DAB1: variants seen among roughly 807,000 people sequenced by gnomAD.
The protein encoded by DAB1 is disabled homolog 1.
Under a neutral mutation model 64.6 loss-of-function variants are expected in DAB1, and 15 were observed. That is an observed-to-expected ratio of 0.23 (90% CI 0.16 to 0.36). The LOEUF (loss-of-function observed/expected upper bound fraction) is 0.36, where lower values mean the gene tolerates loss of function less well. Ranked by LOEUF, DAB1 falls within the 10% of genes least tolerant of loss-of-function variation. The probability of loss-of-function intolerance (pLI) is 1.00; values close to 1 mark genes in which losing one functional copy is unlikely to be tolerated. For synonymous variants in DAB1, 235 were observed against 251.9 expected (o/e 0.93, Z 0.64); for missense variants, 596 against 706.7 (o/e 0.84, Z 1.78).
intron 3 of DAB1, among the ~76,000 whole-genome samples, chr1:58,377,673 T>G (rs1644342349): frequency 7.1e-6 from 1 of 140,178 alleles, no homozygotes; most frequent in Non-Finnish European, 1.6e-5. Flanking sequence ...GTTGCTCTTC[T>G]CGAAGAGTAT....
At chr1:57,180,098 G>T (rs111521372) in intron 2 of DAB1, among the ~76,000 whole-genome samples, 1 of 152,152 alleles carries the variant, frequency 6.6e-6, no homozygotes, top group Admixed American at 6.5e-5. Flanking sequence ...CTTCACTCCT[G>T]CTTTTCTACA....
intron 4 of DAB1, among the ~76,000 whole-genome samples, chr1:58,165,400 CTCCCCGATTCTCTGTACA>C (rs982883653): frequency 1.3e-5 from 2 of 152,110 alleles, no homozygotes; most frequent in African/African-American, 4.8e-5. Flanking sequence ...TCCTGCAAAC[CTCCCCGATTCTCTGTACA>C]TCCTTTTATC....
intron 4 of DAB1, among the ~76,000 whole-genome samples, chr1:57,115,985 T>C (rs139733681): frequency 1.4e-4 from 21 of 152,256 alleles, no homozygotes; most frequent in Admixed American, 3.9e-4. Flanking sequence ...CCTGCCTCCA[T>C]AGTTCAGCTG....
At chr1:58,357,066 T>A (rs983396188) in intron 3 of DAB1, among the ~76,000 whole-genome samples, 7 of 151,932 alleles carry the variant, frequency 4.6e-5, no homozygotes, top group Non-Finnish European at 7.4e-5. Context: ...TTTTTTTTAT[T>A]ATATTCTAGA....
chr1:58,076,604 G>C (rs1282134388), intron 5 of DAB1, among the ~76,000 whole-genome samples: 1 of 152,138 alleles, frequency 6.6e-6, no homozygotes, highest in East Asian at 1.9e-4. Context: ...ACTTGCCCAA[G>C]GTTTCCTAAT....
chr1:58,489,243 C>T (rs1306607282), intron 3 of DAB1, among the ~76,000 whole-genome samples: 2 of 152,196 alleles, frequency 1.3e-5, no homozygotes, highest in African/African-American at 4.8e-5. Flanking sequence ...CACTCCCACC[C>T]TAATACTGCA....
chr1:57,023,378 C>T (rs1646682127), intron 11 of DAB1, among the ~76,000 whole-genome samples, 153 bp downstream of exon 11: 1 of 152,244 alleles, frequency 6.6e-6, no homozygotes, highest in Non-Finnish European at 1.5e-5. Flanking sequence ...CCCAACACCA[C>T]CTCCTCCTCT....
At chr1:57,142,742 A>C (rs2100815088) in intron 3 of DAB1, among the ~76,000 whole-genome samples, 1 of 152,180 alleles carries the variant, frequency 6.6e-6, no homozygotes, top group South Asian at 2.1e-4. Context: ...AAATCCTTTT[A>C]GTCCTCAGTG....
Position 57,486,976 on chromosome 1 carries a change from A to G in DAB1, n.625+162616T>C, listed in dbSNP as rs556756903. ...TAAAAATTAAAAAAAAAAAGAAAAA[A>G]AAACAACGACCTCGGCATATAAATG... On this transcript the variant is annotated intron_variant and non_coding_transcript_variant, in intron 7 of 20. Coordinates refer to the DAB1 transcript ENST00000485760. Among the ~76,000 whole-genome samples, 13 of 152,254 alleles carry G rather than the reference A, an allele frequency of 8.5e-5. No homozygotes were observed. In the South Asian group the frequency reaches 2.3e-3, roughly 27 times the overall value.
chr1:58,534,157 C>G (rs1646480301), intron 1 of DAB1: 1 of 870,040 alleles, frequency 1.1e-6, no homozygotes, highest in Non-Finnish European at 2.0e-6. Flanking sequence ...CATTTACTTA[C>G]TGGAAGCACG....
At chr1:57,307,217 AT>A in intron 1 of DAB1, 1 of 152,268 alleles carries the variant, frequency 6.6e-6, no homozygotes, top group Non-Finnish European at 1.5e-5. Context: ...TGCTGTCCTC[AT>A]TTTACCATGG....
At chr1:57,679,851 G>T (rs1646615598) in intron 6 of DAB1, among the ~76,000 whole-genome samples, 1 of 152,192 alleles carries the variant, frequency 6.6e-6, no homozygotes, top group Non-Finnish European at 1.5e-5. Context: ...ACTGTACTAA[G>T]TTCCTTGAAG....
intron 1 of DAB1, chr1:58,533,955 C>T (rs780548567): frequency 1.1e-6 from 1 of 872,042 alleles, no homozygotes; most frequent in Non-Finnish European, 2.0e-6. Flanking sequence ...GTACTTACAG[C>T]ATGCCCAAGT....
intron 1 of DAB1, among the ~76,000 whole-genome samples, chr1:57,300,082 C>A (rs1673516123): frequency 1.3e-5 from 2 of 152,178 alleles, no homozygotes. Flanking sequence ...GTGCCCTATA[C>A]ACCTTTGCAT....
At chr1:58,454,796 C>T (rs562692452) in intron 3 of DAB1, among the ~76,000 whole-genome samples, 15 of 152,296 alleles carry the variant, frequency 9.8e-5, no homozygotes, top group African/African-American at 2.4e-4. Flanking sequence ...GACAGTAAAG[C>T]GCTTTTCTCC....
chr1:57,159,856 C>CAAAAAAAAAAAAAAAAAAAAAAAAA (rs398049302), intron 2 of DAB1, among the ~76,000 whole-genome samples: 2 of 86,346 alleles, frequency 2.3e-5, no homozygotes, highest in African/African-American at 4.2e-5. Context: ...AGCAGCAAGA[C>CAAAAAAAAAAAAAAAAAAAAAAAAA]AAAAAAAAAA....
chr1:57,519,958 A>G (rs1222327489), intron 7 of DAB1, among the ~76,000 whole-genome samples: 1 of 152,232 alleles, frequency 6.6e-6, no homozygotes, highest in Non-Finnish European at 1.5e-5. Context: ...TTTAACTTAC[A>G]ACAGAGAAGT....
chr1:58,388,734 A>G (rs1644453659), intron 3 of DAB1, among the ~76,000 whole-genome samples: 1 of 152,236 alleles, frequency 6.6e-6, no homozygotes, highest in Admixed American at 6.5e-5. Context: ...CATGGCAACA[A>G]GAGAAGTGTT....
At chr1:58,535,797 G>A (rs899149829) in intron 1 of DAB1, among the ~76,000 whole-genome samples, 13 of 152,006 alleles carry the variant, frequency 8.6e-5, no homozygotes, top group Admixed American at 7.9e-4. Flanking sequence ...ACTTTCCAAA[G>A]AGGTAAGACT....
Sources: allele counts gnomAD v4.1 joint callset (sites outside exome capture counted in the v4.1 genomes callset), GRCh38; gene constraint gnomAD v4.1.1; transcripts MANE v1.5; gene names NCBI Gene and HGNC (gene_info 2026-07-23, HGNC 2026-07-21).